Variants in XG observed in about 807,000 individuals in gnomAD.
The protein encoded by XG is Xg glycoprotein (Xg blood group).
In XG, 24 loss-of-function variants were observed where a neutral mutation model predicts 25.7. That is an observed-to-expected ratio of 0.93 (90% confidence interval 0.68 to 1.31). The LOEUF is 1.31. XG is among the 40% of genes most tolerant of loss of function. The pLI, the probability that XG is intolerant of heterozygous loss-of-function variation, is 0.00. For missense variants in XG, 181 were observed against 187.6 expected, an observed-to-expected ratio of 0.96 and a Z score of 0.21; for synonymous variants, 77 against 69.2, an observed-to-expected ratio of 1.11 and a Z score of -0.56.
At chrX:2,762,320 A>G (rs1471595180) in intron 1 of XG, among the ~76,000 whole-genome samples, 1 of 152,170 alleles carries the variant, frequency 6.6e-6, no homozygotes, top group African/African-American at 2.4e-5. Context: ...TAGAGCTTCA[A>G]TCTGCAACTG....
chrX:2,772,180 A>C (rs1603306014), intron 2 of XG, among the ~76,000 whole-genome samples: 1 of 152,356 alleles, frequency 6.6e-6, no homozygotes, highest in Non-Finnish European at 1.5e-5. Flanking sequence ...GATCTGAAAG[A>C]TCACTGACAT....
intron 7 of XG, among the ~76,000 whole-genome samples, chrX:2,801,805 T>G (rs1227690739): frequency 1.8e-5 from 2 of 110,541 alleles, no homozygotes; most frequent in Admixed American, 1.9e-4. Context: ...GCCTCCCGGG[T>G]TCACGCCATT....
At chrX:2,770,638 C>A (rs1263579231) in intron 2 of XG, 47 bp downstream of exon 2, 1 of 1,609,458 alleles carries the variant, frequency 6.2e-7, no homozygotes, top group East Asian at 2.2e-5. Flanking sequence ...CAGCTTGGAT[C>A]TAACAGCATC....
intron 3 of XG, among the ~76,000 whole-genome samples, chrX:2,776,451 C>T (rs1422659124): frequency 1.3e-5 from 2 of 152,076 alleles, no homozygotes; most frequent in Non-Finnish European, 2.9e-5. Flanking sequence ...GCCACAGTAT[C>T]TTATCAGTTA....
At chrX:2,769,834 T>G (rs2050774399) in intron 1 of XG, among the ~76,000 whole-genome samples, 1 of 152,190 alleles carries the variant, frequency 6.6e-6, no homozygotes, top group Non-Finnish European at 1.5e-5. Flanking sequence ...CAGTGTAGGC[T>G]AGCTGCTATA....
intron 6 of XG, among the ~76,000 whole-genome samples, chrX:2,796,070 T>C (rs1328917711): frequency 1.0e-3 from 109 of 108,151 alleles, no homozygotes; most frequent in African/African-American, 3.4e-3. Flanking sequence ...TATACATTTA[T>C]ACATATATAA....
intron 4 of XG, among the ~76,000 whole-genome samples, chrX:2,782,951 G>C (rs2086745932): frequency 1.8e-5 from 2 of 111,779 alleles, no homozygotes; most frequent in Admixed American, 9.5e-5. Context: ...TCGTTCCCAA[G>C]GCTAGTTTGG....
intron 3 of XG, among the ~76,000 whole-genome samples, chrX:2,778,798 G>C (rs2051056404): frequency 6.7e-6 from 1 of 150,012 alleles, no homozygotes; most frequent in South Asian, 2.1e-4. Flanking sequence ...TTTTGAGATG[G>C]AGTCTCGCTC....
At chrX:2,760,650 G>A (rs1400444656) in intron 1 of XG, among the ~76,000 whole-genome samples, 2 of 148,308 alleles carry the variant, frequency 1.3e-5, no homozygotes, top group African/African-American at 2.5e-5. Context: ...CAGGAGAATC[G>A]CTTGAACCTG....
rs775757933 is a variant in XG at position 2,812,021 on chromosome X, C to G, written c.571+569C>G. On this transcript the variant is annotated intron_variant, in intron 10 of 10. Transcript: ENST00000644266. ...AAAAAAGGAAAGAAAAAGAAACAAA[C>G]AAACAAAAATTACCAACCTACATTG... 2.7e-5 allele frequency among the ~76,000 whole-genome samples: 3 copies of G among 112,000 alleles called. No homozygotes were observed. The East Asian group carries it at 8.4e-4, about 31-fold the overall frequency.
chrX:2,759,322 T>C (rs1194042068), intron 1 of XG, among the ~76,000 whole-genome samples: 1 of 152,240 alleles, frequency 6.6e-6, no homozygotes. Flanking sequence ...TAGTTATAAC[T>C]TCTAACCCTG....
At chrX:2,770,052 G>A (rs1266129937) in intron 1 of XG, among the ~76,000 whole-genome samples, 1 of 150,348 alleles carries the variant, frequency 6.7e-6, no homozygotes. Flanking sequence ...GCGGGGATAT[G>A]CCTGTCCTAA....
chrX:2,773,526 GGAAGGAGA>G (rs1302863086), intron 2 of XG, among the ~76,000 whole-genome samples: 40 of 135,300 alleles, frequency 3.0e-4, no homozygotes, highest in East Asian at 1.1e-3. Flanking sequence ...AGAGAAGGAA[GGAAGGAGA>G]GAAGGAAGGA....
At chrX:2,785,699 A>G (rs1348095376) in intron 4 of XG, among the ~76,000 whole-genome samples, 2 of 111,699 alleles carry the variant, frequency 1.8e-5, no homozygotes, top group African/African-American at 6.5e-5. Flanking sequence ...AGTGTGGTAT[A>G]TGAGCAGAAA....
At chrX:2,789,776 T>C in intron 5 of XG, 70 bp downstream of exon 5, 2 of 547,000 alleles carry the variant, frequency 3.7e-6, no homozygotes, top group Non-Finnish European at 5.1e-6. Flanking sequence ...TATTTGATTC[T>C]ATGTTATTTT....
intron 2 of XG, among the ~76,000 whole-genome samples, chrX:2,772,915 C>G (rs2050853727): frequency 6.6e-6 from 1 of 152,134 alleles, no homozygotes; most frequent in African/African-American, 2.4e-5. Flanking sequence ...AGCCCCAGTG[C>G]AGAGGAACCA....
rs780088750 is a variant in XG at position 2,811,388 on chromosome X, A to G, written c.507A>G (p.Thr169=). 7.8e-5 allele frequency: 94 copies of G among 1,206,275 alleles called. No homozygotes were observed. The highest frequency in any genetic ancestry group is 1.0e-4 in the Non-Finnish European group (93 of 893,705). Residue 169 remains threonine (T), a synonymous_variant, in exon 10 of 11, where the codon ACA becomes ACG. Transcript: ENST00000644266. ...CCATCGTATCCGTGGTGGTGGTGAC[A>G]CTGCTGGGAGCAGCAGCCAGTTATT... ...VSPIVSVVVV[T]LLGAAASYFK... is the part of the protein sequence containing the mutation.
Position 2,752,354 on chromosome X carries a change from T to G in XG, c.61+19T>G, listed in dbSNP as rs780864438. 1 of 1,612,742 alleles carries G rather than the reference T, an allele frequency of 6.2e-7. No individual in the cohort carries two copies. The highest frequency in any genetic ancestry group is 1.7e-5 in the Admixed American group (1 of 60,012). On this transcript the variant is annotated intron_variant, in intron 1 of 10. Transcript: ENST00000644266. ...GCCCGAGGTAAGAGGCATTTTGCTT[T>G]GAGGGAGATCTGCCTGGGCATGGAT...
intron 3 of XG, among the ~76,000 whole-genome samples, chrX:2,781,119 G>A (rs1175817200): frequency 1.3e-5 from 2 of 151,992 alleles, no homozygotes; most frequent in African/African-American, 4.8e-5. Context: ...AGTATTGACT[G>A]AGTGGTTAAA....
Sources: gnomAD v4.1 joint callset for allele counts (sites outside exome capture counted in the v4.1 genomes callset) on GRCh38, gnomAD v4.1.1 for gene constraint, MANE v1.5 for transcripts, NCBI Gene and HGNC (gene_info 2026-07-23, HGNC 2026-07-21) for gene names.